NACC1: variants seen among roughly 807,000 people sequenced by gnomAD.
NACC1 encodes nucleus accumbens-associated protein 1.
A neutral mutation model predicts 41.7 loss-of-function variants in NACC1; 6 were observed. The ratio of observed to expected loss-of-function variants is 0.14; its 90% CI spans 0.08 to 0.28. The LOEUF (loss-of-function observed/expected upper bound fraction) is 0.28. Ranked by LOEUF, NACC1 falls within the 10% of genes least tolerant of loss-of-function variation. The pLI, the probability that NACC1 is intolerant of heterozygous loss-of-function variation, is 1.00. For synonymous variants in NACC1, 338 were observed against 330.6 expected (o/e 1.02, Z -0.24); for missense variants, 434 against 763.7 (o/e 0.57, Z 5.09).
At chr19:13,119,314 T>C (rs1265094422) in intron 1 of NACC1, among the ~76,000 whole-genome samples, 1 of 151,962 alleles carries the variant, frequency 6.6e-6, no homozygotes, top group African/African-American at 2.4e-5. Context: ...GTCCTGACCC[T>C]ACCCCTTGGG....
intron 1 of NACC1, among the ~76,000 whole-genome samples, chr19:13,130,527 T>C (rs1056895386): frequency 6.0e-5 from 9 of 149,216 alleles, no homozygotes; most frequent in African/African-American, 2.3e-4. Context: ...ACACCTCTTT[T>C]TTCTTTTCTT....
At chr19:13,129,899 T>A (rs2019611381) in intron 1 of NACC1, among the ~76,000 whole-genome samples, 3 of 149,064 alleles carry the variant, frequency 2.0e-5, no homozygotes, top group Non-Finnish European at 4.5e-5. Flanking sequence ...CTGGACAACA[T>A]AGTGAGACCC....
intron 1 of NACC1, among the ~76,000 whole-genome samples, chr19:13,123,068 T>C (rs1245494622): frequency 6.6e-6 from 1 of 152,052 alleles, no homozygotes; most frequent in Non-Finnish European, 1.5e-5. Context: ...CCTAGTACAA[T>C]AGTAGGATTC....
intron 1 of NACC1, among the ~76,000 whole-genome samples, chr19:13,125,441 A>T (rs1485832550): frequency 1.5e-5 from 2 of 131,628 alleles, no homozygotes; most frequent in Non-Finnish European, 3.1e-5. Context: ...TTTTGGTGAG[A>T]CGGAGATTTA....
At chr19:13,122,899 G>T (rs1255444734) in intron 1 of NACC1, among the ~76,000 whole-genome samples, 1 of 152,196 alleles carries the variant, frequency 6.6e-6, no homozygotes, top group Non-Finnish European at 1.5e-5. Flanking sequence ...CGACTACGGG[G>T]CGAGCGCCGA....
At position 13,127,371 on chromosome 19, in the gene NACC1, C is replaced by CTTTTTTTTTTTTTTTTTTTTTTTT. The variant is rs147514422; in HGVS notation, c.-8-7823_-8-7800dup. Among the ~76,000 whole-genome samples, 2 of 28,510 alleles carry CTTTTTTTTTTTTTTTTTTTTTTTT rather than the reference C, an allele frequency of 7.0e-5. 1 individual carries two copies. Among genetic ancestry groups the CTTTTTTTTTTTTTTTTTTTTTTTT allele is most frequent in the African/African-American group, 2.6e-4 (2 of 7,778 alleles). 18.7% of individuals were successfully genotyped at this position (28,510 alleles called of 152,430 possible). A position where few individuals can be genotyped will look rare whatever the true frequency, so the allele number is the denominator to read the frequency against. The stretch of plus-strand genomic sequence containing the variant: ...AAAAAAAAGCATACATATACATATA[C>CTTTTTTTTTTTTTTTTTTTTTTTT]TTTTTTTTTTTTTTTTTTTTTTTTT... On this transcript the variant is annotated intron_variant, in intron 1 of 5. Coordinates refer to ENST00000292431, the MANE Select transcript of NACC1 (RefSeq NM_052876.4).
Position 13,137,287 on chromosome 19 carries a change from C to T in NACC1, c.1137C>T (p.Ile379=). The change falls in exon 4 of 6, where the codon ATC becomes ATT. Residue 379 remains isoleucine, a synonymous_variant. Transcript: ENST00000292431. This position sits in a 1 kb window ranked among gnomAD's most constrained non-coding sequence, Gnocchi z 6.1. ...LELVTGTNVY[I]TRAQLMNCHV... ...TCTCACCAGGCACCAACGTGTACAT[C>T]ACAAGGGCGCAGCTGATGAACTGCC... The T allele has an allele frequency of 2.5e-6, 4 of 1,613,826 alleles. No homozygotes were observed. Among genetic ancestry groups the T allele is most frequent in the Non-Finnish European group, 3.4e-6 (4 of 1,179,972 alleles).
chr19:13,127,957 CAGGGGCCCCAATAAAGCATTGT>C (rs1265186468), intron 1 of NACC1, among the ~76,000 whole-genome samples: 1 of 152,174 alleles, frequency 6.6e-6, no homozygotes, highest in Non-Finnish European at 1.5e-5. Flanking sequence ...GCCAGACTGC[CAGGGGCCCCAATAAAGCATTGT>C]AGGGGCCCAG....
At chr19:13,125,523 C>T (rs578236554) in intron 1 of NACC1, among the ~76,000 whole-genome samples, 114 of 150,534 alleles carry the variant, frequency 7.6e-4, no homozygotes, top group African/African-American at 2.6e-3. Context: ...CAGGTTCAAG[C>T]GATTCTCCTG....
intron 1 of NACC1, among the ~76,000 whole-genome samples, chr19:13,131,246 T>G (rs573503602): frequency 6.6e-6 from 1 of 152,324 alleles, no homozygotes; most frequent in South Asian, 2.1e-4. Context: ...CAGCCCATTT[T>G]ACAGATGAAT....
upstream of NACC1, among the ~76,000 whole-genome samples, chr19:13,117,720 AT>A (rs1253921207): frequency 6.6e-6 from 1 of 151,734 alleles, no homozygotes; most frequent in Non-Finnish European, 1.5e-5. Context: ...CGCCCGGCTA[AT>A]TTTTGTATTT....
Position 13,137,426 on chromosome 19 carries a change from C to A in NACC1, c.1226+50C>A. On this transcript the variant is annotated intron_variant, in intron 4 of 5. Coordinates refer to ENST00000292431, the MANE Select transcript of NACC1 (RefSeq NM_052876.4). The surrounding 1 kb of genome is among the most constrained non-coding windows in gnomAD (Gnocchi z 6.1). Reference sequence around the variant, plus strand: ...GGAGGGGGGTGGGGTTTCCCCATGTCCCCCCCACCACCAACTTGAGCGCTG... The same window carrying A: ...GGAGGGGGGTGGGGTTTCCCCATGTACCCCCCACCACCAACTTGAGCGCTG... 1 of 1,603,586 alleles carries A rather than the reference C, an allele frequency of 6.2e-7. No homozygotes were observed.
intron 1 of NACC1, among the ~76,000 whole-genome samples, chr19:13,120,499 C>T (rs1241828619): frequency 3.3e-5 from 5 of 152,156 alleles, no homozygotes; most frequent in Admixed American, 3.3e-4. Context: ...GGGTTGTCAC[C>T]CTAATTCTCC....
rs1371085991 is a variant in NACC1, at chr19:13,136,386, G to A, written c.1101G>A (p.Glu367=). The A allele has an allele frequency of 6.2e-7, 1 of 1,613,482 alleles. No homozygotes were observed. Among genetic ancestry groups the A allele is most frequent in the Non-Finnish European group, 8.5e-7 (1 of 1,179,744 alleles). ...TCTACGACGAGGGCGACCCCTCTGA[G>A]AAGCTGGAGCTGGTGACAGGTGGGC... ...PKLYDEGDPS[E]KLELVTGTNV... Residue 367 remains glutamate (E), a synonymous_variant, in exon 3 of 6, where the codon GAG becomes GAA. Coordinates refer to ENST00000292431, the MANE Select transcript of NACC1 (RefSeq NM_052876.4). This position sits in a 1 kb window ranked among gnomAD's most constrained non-coding sequence, Gnocchi z 5.5.
At chr19:13,127,984 G>T (rs1410976672) in intron 1 of NACC1, among the ~76,000 whole-genome samples, 1 of 152,196 alleles carries the variant, frequency 6.6e-6, no homozygotes, top group Non-Finnish European at 1.5e-5. Context: ...CATTGTAGGG[G>T]CCCAGGCAGT....
intron 1 of NACC1, among the ~76,000 whole-genome samples, chr19:13,133,170 CCTG>C (rs2019654310): frequency 6.6e-6 from 1 of 152,106 alleles, no homozygotes; most frequent in South Asian, 2.1e-4. Context: ...GTTACTTTCT[CCTG>C]CTGGCCAGCT....
chr19:13,133,682 C>T (rs2019663068), intron 1 of NACC1, among the ~76,000 whole-genome samples: 1 of 152,146 alleles, frequency 6.6e-6, no homozygotes. Context: ...CGCAGATGGA[C>T]GTTTGGATTG....
Position 13,135,978 on chromosome 19 carries a change from C to A in NACC1, c.771C>A (p.Ser257Arg). The A allele has an allele frequency of 6.2e-7, 1 of 1,609,362 alleles. No individual in the cohort carries two copies. ...AAAGGVVSGP[S>R]TSERTSPGTS... Reference sequence around the variant, plus strand: ...CAGGGGGTGTGGTGAGTGGGCCCAGCACGTCGGAGCGGACCAGCCCAGGCA... The same window carrying A: ...CAGGGGGTGTGGTGAGTGGGCCCAGAACGTCGGAGCGGACCAGCCCAGGCA... Residue 257 changes from serine to arginine, a missense_variant, in exon 2 of 6, where the codon AGC becomes AGA. Ser to Arg is a moderately radical substitution (Grantham distance 110). Transcript: ENST00000292431.
chr19:13,118,769 TGAG>T (rs1272601652), intron 1 of NACC1, among the ~76,000 whole-genome samples: 1 of 112,450 alleles, frequency 8.9e-6, no homozygotes, highest in South Asian at 2.9e-4. Context: ...GGCGGAAAAG[TGAG>T]GAGGTTCTCG....
Sources: allele counts gnomAD v4.1 joint callset (sites outside exome capture counted in the v4.1 genomes callset), GRCh38; gene constraint gnomAD v4.1.1; non-coding constraint Gnocchi (gnomAD v3.1); transcripts MANE v1.5; gene names NCBI Gene and HGNC (gene_info 2026-07-23, HGNC 2026-07-21).